BMP2K: variants seen among roughly 807,000 people sequenced by gnomAD.
The protein encoded by BMP2K is BMP2 inducible kinase.
Under a neutral mutation model 116.0 loss-of-function variants are expected in BMP2K, and 74 were observed. The observed-to-expected ratio is 0.64, with a 90% CI of 0.53 to 0.77. The LOEUF is 0.77. Among genes scored for constraint, BMP2K ranks in the 30% least tolerant of loss-of-function variants. BMP2K has a pLI of 0.00. For synonymous variants in BMP2K, 486 were observed against 502.5 expected, an observed-to-expected ratio of 0.97 and a Z score of 0.44; for missense variants, 1,365 against 1,403.6, an observed-to-expected ratio of 0.97 and a Z score of 0.44.
At chr4:78,878,983 G>T in intron 14 of BMP2K, 92 bp downstream of exon 14, 1 of 1,522,522 alleles carries the variant, frequency 6.6e-7, no homozygotes, top group Non-Finnish European at 8.7e-7. Flanking sequence ...GAATGTGTAT[G>T]GAAAATTCTT....
At chr4:78,841,311 A>T (rs192290704) in intron 3 of BMP2K, among the ~76,000 whole-genome samples, 96 of 152,256 alleles carry the variant, frequency 6.3e-4, no homozygotes, top group Non-Finnish European at 7.4e-5. Flanking sequence ...TGAATTCCCA[A>T]ACTCAATTTT....
In BMP2K at chr4:78,826,165, G is replaced by T; in HGVS notation, c.297+10G>T. 1 of 1,578,034 alleles carries T rather than the reference G, an allele frequency of 6.3e-7. No homozygotes were observed. On this transcript the variant is annotated intron_variant, in intron 2 of 15. Transcript: ENST00000502613. The stretch of plus-strand genomic sequence containing the variant: ...GGAAATTACAATTATGGTAAGTGAA[G>T]GAGTAGTTCTCTTTCAGAAATTTTG...
chr4:78,870,070 A>G (rs554253834), intron 10 of BMP2K, among the ~76,000 whole-genome samples: 3 of 152,318 alleles, frequency 2.0e-5, no homozygotes, highest in South Asian at 4.1e-4. Flanking sequence ...AGTATATTGC[A>G]TTAAGTGTAT....
rs569925087 is a variant in BMP2K at position 78,915,149 on chromosome 4, C to G, written c.*3116C>G. ...TTTCCCTTACCCCAATCCCTGTGTA[C>G]GTGTTGGGTATAGTTACGACATTAT... is the stretch of plus-strand genomic sequence containing the variant. On this transcript the variant is annotated 3_prime_UTR_variant, in exon 16 of 16. Transcript: ENST00000502613. 1 of 151,944 alleles carries G rather than the reference C, an allele frequency of 6.6e-6. No homozygotes were observed. Among genetic ancestry groups the G allele is most frequent in the South Asian group, 2.1e-4 (1 of 4,830 alleles). 9.4% of individuals were successfully genotyped at this position (151,944 alleles called of 1,614,324 possible).
At chr4:78,786,501 A>G (rs1237928013) in intron 1 of BMP2K, among the ~76,000 whole-genome samples, 1 of 151,130 alleles carries the variant, frequency 6.6e-6, no homozygotes, top group African/African-American at 2.4e-5. Context: ...TGGTGTGATC[A>G]TAGCTCACTG....
At chr4:78,816,461 C>T (rs1362911748) in intron 1 of BMP2K, among the ~76,000 whole-genome samples, 1 of 152,092 alleles carries the variant, frequency 6.6e-6, no homozygotes, top group South Asian at 2.1e-4. Context: ...CACTTTGATA[C>T]TTTTTCTCCC....
chr4:78,872,240 A>G (rs994516375), intron 12 of BMP2K: 2 of 278,012 alleles, frequency 7.2e-6, no homozygotes, highest in East Asian at 1.3e-4. Flanking sequence ...TTCAGCACAT[A>G]TCTATTGAGT....
rs940773070 is a variant in BMP2K, at chr4:78,809,998, ACT to A, written c.179-16035_179-16034del. ...GCAACTCTGGAAACTGGATTCCTCTACTCTCAGGATTTTTTGTTGTTGTTGCT... is the reference window on the plus strand; with the variant it reads ...GCAACTCTGGAAACTGGATTCCTCTACTCAGGATTTTTTGTTGTTGTTGCT... On this transcript the variant is annotated intron_variant, in intron 1 of 15. Transcript: ENST00000502613. Among the ~76,000 whole-genome samples the A allele has an allele frequency of 1.1e-4, 16 of 151,904 alleles. No homozygotes were observed. In the South Asian group the frequency reaches 1.2e-3, roughly 12 times the overall value.
At chr4:78,787,266 A>G (rs1056781814) in intron 1 of BMP2K, among the ~76,000 whole-genome samples, 4 of 152,246 alleles carry the variant, frequency 2.6e-5, no homozygotes, top group African/African-American at 7.2e-5. Context: ...CCATTTTAAA[A>G]TAAGGAGATA....
At chr4:78,842,733 G>T (rs912723047) in intron 4 of BMP2K, among the ~76,000 whole-genome samples, 1 of 151,980 alleles carries the variant, frequency 6.6e-6, no homozygotes, top group Non-Finnish European at 1.5e-5. Flanking sequence ...GGCTGTGGAG[G>T]CAGATTTTGT....
intron 14 of BMP2K, among the ~76,000 whole-genome samples, chr4:78,882,969 G>A (rs956409134): frequency 1.2e-4 from 19 of 152,128 alleles, no homozygotes; most frequent in African/African-American, 4.6e-4. Context: ...AGTTTCAGGA[G>A]TTTTTCATTA....
intron 1 of BMP2K, among the ~76,000 whole-genome samples, 181 bp from the exon 2 acceptor site, chr4:78,825,856 C>T (rs866392919): frequency 6.6e-6 from 1 of 152,212 alleles, no homozygotes; most frequent in Non-Finnish European, 1.5e-5. Flanking sequence ...CTAAGTACTA[C>T]TTCATGATTG....
intron 1 of BMP2K, among the ~76,000 whole-genome samples, chr4:78,800,973 C>G (rs1728541436): frequency 6.6e-6 from 1 of 152,106 alleles, no homozygotes; most frequent in African/African-American, 2.4e-5. Context: ...TCTGTTCACC[C>G]TAATAGCAGT....
At chr4:78,884,054 C>T (rs551367388) in intron 14 of BMP2K, among the ~76,000 whole-genome samples, 123 of 152,018 alleles carry the variant, frequency 8.1e-4, no homozygotes, top group Non-Finnish European at 1.3e-3. Flanking sequence ...CACAAACAAA[C>T]GTGCTGAGAG....
chr4:78,898,934 G>A (rs1577973414), intron 15 of BMP2K: 1 of 152,272 alleles, frequency 6.6e-6, no homozygotes, highest in East Asian at 1.9e-4. Context: ...CAGTAGTTCT[G>A]GACTGCAATG....
intron 1 of BMP2K, among the ~76,000 whole-genome samples, chr4:78,805,496 A>AT (rs1409167252): frequency 6.6e-6 from 1 of 152,186 alleles, no homozygotes; most frequent in African/African-American, 2.4e-5. Flanking sequence ...CTTTCAGTCT[A>AT]TGAGTGAGGA....
At chr4:78,859,988 C>G in intron 8 of BMP2K, 1 of 537,858 alleles carries the variant, frequency 1.9e-6, no homozygotes, top group South Asian at 1.5e-5. Flanking sequence ...TTATTTGGGC[C>G]TAACAGTTTA....
chr4:78,911,480 T>C lies in BMP2K; in HGVS notation c.2933T>C (p.Leu978Pro), dbSNP rs760581889. 15 of 1,613,870 alleles carry C rather than the reference T, an allele frequency of 9.3e-6. No individual in the cohort carries two copies. The highest frequency in any genetic ancestry group is 1.2e-5 in the Non-Finnish European group (14 of 1,179,900). The change falls in exon 16 of 16, where the codon CTG becomes CCG. Residue 978 changes from leucine to proline, a missense_variant. Around this residue, in one of 3 missense-constraint regions of BMP2K, gnomAD observed 596 missense variants for 623.2 expected, o/e 0.96. Transcript: ENST00000502613. ...QKVKQRSLQK[L>P]SSRQRRTKQD... Reference sequence around the variant, plus strand: ...GTCAAACAGCGCAGCTTACAGAAACTGTCCTCTCGCCAAAGGCGCACAAAG... The same window carrying C: ...GTCAAACAGCGCAGCTTACAGAAACCGTCCTCTCGCCAAAGGCGCACAAAG...
intron 1 of BMP2K, among the ~76,000 whole-genome samples, chr4:78,822,653 T>G (rs559307542): frequency 1.2e-4 from 19 of 152,146 alleles, no homozygotes; most frequent in Non-Finnish European, 2.6e-4. Context: ...TTATAACATT[T>G]AGCATTAATG....
Sources: allele counts gnomAD v4.1 joint callset (sites outside exome capture counted in the v4.1 genomes callset), GRCh38; gene constraint gnomAD v4.1.1; regional missense constraint gnomAD v4.1.1; transcripts MANE v1.5; gene names NCBI Gene and HGNC (gene_info 2026-07-23, HGNC 2026-07-21).